The following NFE2L2 variants were observed in gnomAD, a reference collection of about 807,000 sequenced individuals.
The protein encoded by NFE2L2 is NFE2 like bZIP transcription factor 2, also known as nuclear factor erythroid 2-related factor 2.
Under a neutral mutation model 49.6 loss-of-function variants are expected in NFE2L2, and 20 were observed. The ratio of observed to expected loss-of-function variants is 0.40; its 90% CI spans 0.28 to 0.59. The LOEUF is 0.59. Ranked by LOEUF, NFE2L2 falls within the 20% of genes least tolerant of loss-of-function variation. The pLI, the probability that NFE2L2 is intolerant of heterozygous loss-of-function variation, is 0.40. For missense variants in NFE2L2, 578 were observed against 714.2 expected, an observed-to-expected ratio of 0.81 and a Z score of 2.17; for synonymous variants, 244 against 256.5, an observed-to-expected ratio of 0.95 and a Z score of 0.47.
chr2:177,241,490 G>A (rs1218856673), intron 1 of NFE2L2, among the ~76,000 whole-genome samples: 2 of 152,128 alleles, frequency 1.3e-5, no homozygotes, highest in East Asian at 1.9e-4. Flanking sequence ...CTACCATCTG[G>A]ATGAATATAA....
Position 177,263,896 on chromosome 2 carries a change from G to C in NFE2L2, c.45+636C>G, listed in dbSNP as rs112135794. The C allele has an allele frequency of 2.2e-4, 221 of 985,488 alleles. 1 individual carries two copies. The African/African-American group carries it at 3.5e-3, about 15-fold the overall frequency. 61.0% of individuals were successfully genotyped at this position (985,488 alleles called of 1,614,324 possible). A position where few individuals can be genotyped will look rare whatever the true frequency, so the allele number is the denominator to read the frequency against. ...TCGTCCCGGGGCTGGGCTTTCAAGAGAGCTCAAGGCTGCCAGAGAGTGATC... is the reference window on the plus strand; with the variant it reads ...TCGTCCCGGGGCTGGGCTTTCAAGACAGCTCAAGGCTGCCAGAGAGTGATC... On this transcript the variant is annotated intron_variant, in intron 1 of 4. Coordinates refer to ENST00000397062, the MANE Select transcript of NFE2L2 (RefSeq NM_006164.5).
chr2:177,256,085 C>CT (rs1228896495), intron 1 of NFE2L2: 1 of 154,636 alleles, frequency 6.5e-6, no homozygotes, highest in Non-Finnish European at 1.5e-5. Flanking sequence ...TCAACACTCT[C>CT]TAGACACAAC....
chr2:177,263,034 A>G (rs947727496), intron 1 of NFE2L2, among the ~76,000 whole-genome samples: 5 of 152,262 alleles, frequency 3.3e-5, no homozygotes, highest in African/African-American at 9.6e-5. Flanking sequence ...AAAACTTTAC[A>G]TTTAACAGCA....
chr2:177,258,357 C>T (rs1438780326), intron 1 of NFE2L2, among the ~76,000 whole-genome samples: 1 of 152,214 alleles, frequency 6.6e-6, no homozygotes, highest in Non-Finnish European at 1.5e-5. Context: ...ATTCCATTTA[C>T]ATGCTATTCC....
intron 1 of NFE2L2, among the ~76,000 whole-genome samples, chr2:177,247,685 A>C (rs79008407): frequency 7.8e-6 from 1 of 128,438 alleles, no homozygotes; most frequent in African/African-American, 3.2e-5. Context: ...CCCACCCCGC[A>C]AAAAAAAAAA....
intron 1 of NFE2L2, among the ~76,000 whole-genome samples, chr2:177,238,190 T>C (rs928838656): frequency 5.9e-5 from 9 of 152,270 alleles, no homozygotes; most frequent in South Asian, 4.1e-4. Context: ...GGCCTGAGGT[T>C]TTTTCTTGTT....
chr2:177,252,021 A>AT (rs369100481), intron 1 of NFE2L2, among the ~76,000 whole-genome samples: 1,768 of 126,940 alleles, frequency 0.014, 29 homozygotes, highest in African/African-American at 0.04. Context: ...AAAAAAAGGG[A>AT]TTTTTTTCAA....
At chr2:177,263,429 C>T (rs939081454) in intron 1 of NFE2L2, 1 of 985,360 alleles carries the variant, frequency 1.0e-6, no homozygotes, top group African/African-American at 1.7e-5. Flanking sequence ...GAGAATATCC[C>T]GTCTTACACA....
intron 1 of NFE2L2, among the ~76,000 whole-genome samples, chr2:177,260,489 A>G (rs977061244): frequency 1.3e-5 from 2 of 152,234 alleles, no homozygotes; most frequent in African/African-American, 2.4e-5. Flanking sequence ...CAAAGACCCA[A>G]GTAAGCTTCA....
chr2:177,246,945 G>T (rs993749101), intron 1 of NFE2L2, among the ~76,000 whole-genome samples: 2 of 151,972 alleles, frequency 1.3e-5, no homozygotes, highest in Non-Finnish European at 2.9e-5. Flanking sequence ...TTACACAGAT[G>T]TACTGAAACA....
intron 1 of NFE2L2, chr2:177,263,917 T>C: frequency 3.0e-6 from 3 of 985,000 alleles, no homozygotes; most frequent in Non-Finnish European, 2.4e-6. Context: ...TGCCAGAGAG[T>C]GATCCGAGAG....
intron 1 of NFE2L2, among the ~76,000 whole-genome samples, chr2:177,236,747 G>T (rs1689764573): frequency 1.3e-5 from 2 of 151,960 alleles, no homozygotes. Flanking sequence ...ACTCATCCCT[G>T]GATTACTTAC....
intron 1 of NFE2L2, among the ~76,000 whole-genome samples, chr2:177,237,027 G>A (rs1246489428): frequency 6.6e-6 from 1 of 151,992 alleles, no homozygotes; most frequent in Non-Finnish European, 1.5e-5. Flanking sequence ...ACCAAGCCCA[G>A]CTAATTACTT....
intron 1 of NFE2L2, among the ~76,000 whole-genome samples, chr2:177,246,296 T>C (rs1398719600): frequency 6.6e-6 from 1 of 152,180 alleles, no homozygotes; most frequent in Non-Finnish European, 1.5e-5. Flanking sequence ...AAGCCAGTAA[T>C]TACCCCATAC....
At position 177,231,823 on chromosome 2, in the gene NFE2L2, T is replaced by G; in HGVS notation, c.780A>C (p.Thr260=). The G allele has an allele frequency of 6.2e-7, 1 of 1,614,204 alleles. No individual in the cohort carries two copies. The highest frequency in any genetic ancestry group is 8.5e-7 in the Non-Finnish European group (1 of 1,180,014). Reference sequence around the variant, plus strand: ...TCACTGTCAACTGGTTGGGGTCTTCTGTGGAGAGGATGCTGCTGAAGGAAT... The same window carrying G: ...TCACTGTCAACTGGTTGGGGTCTTCGGTGGAGAGGATGCTGCTGAAGGAAT... ...FEDSFSSILS[T]EDPNQLTVNS... Residue 260 remains threonine (T), a synonymous_variant, in exon 5 of 5, where the codon ACA becomes ACC. Coordinates refer to ENST00000397062, the MANE Select transcript of NFE2L2 (RefSeq NM_006164.5).
At chr2:177,250,939 T>C (rs1461432592) in intron 1 of NFE2L2, among the ~76,000 whole-genome samples, 1 of 152,192 alleles carries the variant, frequency 6.6e-6, no homozygotes, top group Admixed American at 6.5e-5. Context: ...CCCTTAAAAA[T>C]ATCGGACAAC....
At chr2:177,236,061 G>A (rs552997991) in intron 1 of NFE2L2, among the ~76,000 whole-genome samples, 189 of 152,372 alleles carry the variant, frequency 1.2e-3, no homozygotes, top group Middle Eastern at 0.01. Context: ...CGGGAGTTGG[G>A]ACTTGAAGGC....
At chr2:177,233,928 A>C in intron 2 of NFE2L2, 77 bp downstream of exon 2, 5 of 1,558,606 alleles carry the variant, frequency 3.2e-6, no homozygotes, top group South Asian at 1.2e-5. Flanking sequence ...CTGGAACTCA[A>C]ATCCAGATAT....
chr2:177,264,378 G>T, intron 1 of NFE2L2, 154 bp downstream of exon 1: 1 of 655,528 alleles, frequency 1.5e-6, no homozygotes, highest in Non-Finnish European at 2.3e-6. Context: ...GCCCTGCCCC[G>T]GCGCAAGCGC....
Sources: gnomAD v4.1 joint callset for allele counts (sites outside exome capture counted in the v4.1 genomes callset) on GRCh38, gnomAD v4.1.1 for gene constraint, MANE v1.5 for transcripts, NCBI Gene and HGNC (gene_info 2026-07-23, HGNC 2026-07-21) for gene names.